The following NALCN variants were observed in gnomAD, a reference collection of about 807,000 sequenced individuals.
NALCN encodes the protein sodium leak channel, non-selective.
Under a neutral mutation model 225.3 loss-of-function variants are expected in NALCN, and 111 were observed. That is an observed-to-expected ratio of 0.49 (90% confidence interval 0.42 to 0.58). NALCN has a LOEUF of 0.58. Ranked by LOEUF, NALCN falls within the 20% of genes least tolerant of loss-of-function variation. NALCN has a pLI of 0.00. For missense variants in NALCN, 1,378 were observed against 2,202.4 expected, an observed-to-expected ratio of 0.63 and a Z score of 7.49; for synonymous variants, 764 against 769.0, an observed-to-expected ratio of 0.99 and a Z score of 0.11.
chr13:101,317,063 T>C (rs1267436194), intron 7 of NALCN, among the ~76,000 whole-genome samples: 2 of 152,160 alleles, frequency 1.3e-5, no homozygotes, highest in East Asian at 1.9e-4. Flanking sequence ...TTTAGCTTCA[T>C]CTCCTCATCT....
chr13:101,293,754 A>C lies in NALCN; in HGVS notation c.800-1388T>G, dbSNP rs145822388. ...CGCAGACTTGATGACAAGGGAGAAA[A>C]AGAGGCTGGAAAGAAAAGCTAAGAG... On this transcript the variant is annotated intron_variant, in intron 7 of 43. Transcript: ENST00000251127. Among the ~76,000 whole-genome samples the C allele has an allele frequency of 5.2e-3, 799 of 152,298 alleles. 7 individuals carry two copies. The highest frequency in any genetic ancestry group is 0.019 in the African/African-American group (775 of 41,560).
At chr13:101,407,664 G>A (rs1661631198) in intron 1 of NALCN, among the ~76,000 whole-genome samples, 1 of 152,274 alleles carries the variant, frequency 6.6e-6, no homozygotes, top group East Asian at 1.9e-4. Flanking sequence ...AAAATTGGAG[G>A]CAAACATGCC....
At chr13:101,095,205 G>A (rs1457871389) in intron 28 of NALCN, among the ~76,000 whole-genome samples, 1 of 152,096 alleles carries the variant, frequency 6.6e-6, no homozygotes, top group Non-Finnish European at 1.5e-5. Context: ...CTATTATGAG[G>A]ACATCAGATC....
At chr13:101,310,210 T>C (rs144712895) in intron 7 of NALCN, among the ~76,000 whole-genome samples, 2 of 152,316 alleles carry the variant, frequency 1.3e-5, no homozygotes, top group East Asian at 3.9e-4. Flanking sequence ...TTGTCTCGCC[T>C]CTACTCAAAA....
chr13:101,090,199 A>T (rs2034155278), intron 28 of NALCN, among the ~76,000 whole-genome samples: 1 of 152,148 alleles, frequency 6.6e-6, no homozygotes, highest in South Asian at 2.1e-4. Context: ...ACAATGCATC[A>T]ATGTGTTATA....
intron 27 of NALCN, among the ~76,000 whole-genome samples, chr13:101,099,351 T>C (rs983872035): frequency 6.6e-6 from 1 of 152,136 alleles, no homozygotes; most frequent in African/African-American, 2.4e-5. Context: ...ATATAATTTA[T>C]AATGTATTTT....
intron 17 of NALCN, among the ~76,000 whole-genome samples, chr13:101,134,982 C>T (rs2036702100): frequency 1.3e-5 from 2 of 152,144 alleles, no homozygotes; most frequent in South Asian, 4.2e-4. Context: ...ATCACGAGGT[C>T]AGGAAATCGA....
At chr13:101,188,615 CACACATATATACATATAT>C (rs1409876550) in intron 14 of NALCN, among the ~76,000 whole-genome samples, 1 of 150,428 alleles carries the variant, frequency 6.6e-6, no homozygotes, top group African/African-American at 2.5e-5. Context: ...TACATATATA[CACACATATATACATATAT>C]ACACATATAT....
chr13:101,158,252 G>A (rs974911877), intron 15 of NALCN, among the ~76,000 whole-genome samples: 2 of 152,166 alleles, frequency 1.3e-5, no homozygotes, highest in Non-Finnish European at 2.9e-5. Flanking sequence ...TTTGTATAAG[G>A]AGAGTTTTAC....
intron 13 of NALCN, among the ~76,000 whole-genome samples, chr13:101,206,528 T>G (rs998282095): frequency 6.6e-6 from 1 of 151,998 alleles, no homozygotes; most frequent in African/African-American, 2.4e-5. Context: ...GTATTTTCTT[T>G]CTTTTAGAAC....
At chr13:101,280,006 A>G (rs1270144458) in intron 10 of NALCN, among the ~76,000 whole-genome samples, 1 of 152,104 alleles carries the variant, frequency 6.6e-6, no homozygotes, top group Non-Finnish European at 1.5e-5. Context: ...TCATTAGTGA[A>G]AGCCATCAAG....
chr13:101,189,655 C>T (rs945331061), intron 14 of NALCN, among the ~76,000 whole-genome samples: 16 of 152,180 alleles, frequency 1.1e-4, no homozygotes, highest in Non-Finnish European at 1.6e-4. Flanking sequence ...TAGTCTTGTA[C>T]GACACCACAT....
intron 13 of NALCN, among the ~76,000 whole-genome samples, chr13:101,198,100 C>A (rs954028621): frequency 1.3e-5 from 2 of 151,972 alleles, no homozygotes; most frequent in African/African-American, 4.8e-5. Context: ...AGGGTGAAAG[C>A]ACAACAGGAA....
At chr13:101,168,443 C>A (rs9585641) in intron 15 of NALCN, among the ~76,000 whole-genome samples, 36,802 of 152,134 alleles carry the variant, frequency 0.24, 5,234 homozygotes, top group Non-Finnish European at 0.32. Flanking sequence ...ACTCTCATTT[C>A]TTCTTTCTCT....
At chr13:101,152,981 C>A (rs2037724471) in intron 15 of NALCN, among the ~76,000 whole-genome samples, 1 of 151,838 alleles carries the variant, frequency 6.6e-6, no homozygotes, top group Admixed American at 6.6e-5. Context: ...AATGTCACAC[C>A]AAAGGGAATT....
At chr13:101,261,244 C>G (rs1416202370) in intron 10 of NALCN, among the ~76,000 whole-genome samples, 1 of 152,066 alleles carries the variant, frequency 6.6e-6, no homozygotes, top group African/African-American at 2.4e-5. Context: ...ATGGCAGTAC[C>G]ACGGCGTTTT....
At chr13:101,207,816 C>G (rs982948573) in intron 13 of NALCN, among the ~76,000 whole-genome samples, 10 of 152,348 alleles carry the variant, frequency 6.6e-5, no homozygotes, top group African/African-American at 2.4e-4. Context: ...GGGTCCCCTT[C>G]CGTGCTGTGG....
intron 22 of NALCN, among the ~76,000 whole-genome samples, chr13:101,106,567 C>T (rs547033893): frequency 6.0e-4 from 92 of 152,254 alleles, no homozygotes; most frequent in Middle Eastern, 3.4e-3. Context: ...TGAATGGTAG[C>T]TCCCATAATT....
chr13:101,385,215 C>A lies in NALCN; in HGVS notation c.292-6562G>T, dbSNP rs1023735405. On this transcript the variant is annotated intron_variant, in intron 3 of 43. Coordinates refer to ENST00000251127, the MANE Select transcript of NALCN (RefSeq NM_052867.4). ...TCGGCATGTACCTTGCTGTTCCACTCCTTTGTGCCTCATATTCCTTTTCTT... is the reference window on the plus strand; with the variant it reads ...TCGGCATGTACCTTGCTGTTCCACTACTTTGTGCCTCATATTCCTTTTCTT... 5.3e-5 allele frequency among the ~76,000 whole-genome samples: 8 copies of A among 152,078 alleles called. No homozygotes were observed. In the East Asian group the frequency reaches 1.5e-3, roughly 29 times the overall value.
Sources: allele counts gnomAD v4.1 joint callset (sites outside exome capture counted in the v4.1 genomes callset), GRCh38; gene constraint gnomAD v4.1.1; transcripts MANE v1.5; gene names NCBI Gene and HGNC (gene_info 2026-07-23, HGNC 2026-07-21).